Variants in ZPLD1 observed in about 807,000 individuals in gnomAD.
ZPLD1 encodes zona pellucida like domain containing 1, also known as zona pellucida-like domain-containing protein 1.
ZPLD1 carries 34 observed loss-of-function variants against 47.2 expected under a neutral mutation model. The ratio of observed to expected loss-of-function variants is 0.72; its 90% CI spans 0.55 to 0.96. The LOEUF (loss-of-function observed/expected upper bound fraction) is 0.96, where lower values mean the gene tolerates loss of function less well. Among genes scored for constraint, ZPLD1 ranks in the 40% least tolerant of loss-of-function variants. The probability of loss-of-function intolerance (pLI) is 0.00; values close to 1 mark genes in which losing one functional copy is unlikely to be tolerated. For missense variants in ZPLD1, 512 were observed against 505.8 expected (o/e 1.01, Z -0.12); for synonymous variants, 176 against 186.2 (o/e 0.95, Z 0.45).
intron 3 of ZPLD1, among the ~76,000 whole-genome samples, chr3:102,443,875 T>A (rs1467378768): frequency 6.6e-6 from 1 of 152,216 alleles, no homozygotes; most frequent in Non-Finnish European, 1.5e-5. Flanking sequence ...TCTCCTTTAT[T>A]CCTACTTTTT....
At chr3:102,399,474 G>A (rs1706594913) in intron 7 of ZPLD1, among the ~76,000 whole-genome samples, 4 of 151,938 alleles carry the variant, frequency 2.6e-5, no homozygotes, top group Admixed American at 2.6e-4. Context: ...TCTAATCCAA[G>A]ATCATCGTAT....
intron 7 of ZPLD1, among the ~76,000 whole-genome samples, chr3:102,397,911 G>A (rs1274657011): frequency 6.6e-6 from 1 of 152,086 alleles, no homozygotes; most frequent in African/African-American, 2.4e-5. Flanking sequence ...TGAGGTATTT[G>A]CAAAACCTTT....
At position 102,477,839 on chromosome 3, in the gene ZPLD1, A is replaced by C. The variant is rs921039206; in HGVS notation, c.*221A>C. ...AGCCGTATTTTTATGCCACCAGTGA[A>C]TATATTGACAATAAGTGAAAAATAT... On this transcript the variant is annotated 3_prime_UTR_variant, in exon 12 of 12. Coordinates refer to ENST00000466937, the MANE Select transcript of ZPLD1 (RefSeq NM_001329788.2). 11 of 374,344 alleles carry C rather than the reference A, an allele frequency of 2.9e-5. No homozygotes were observed. The highest frequency in any genetic ancestry group is 4.2e-5 in the Non-Finnish European group (9 of 212,328). The allele number at this position is 374,344 out of a possible 1,614,324, so 23.2% of individuals were successfully genotyped here.
At chr3:102,456,056 G>T in intron 4 of ZPLD1, 137 bp from the exon 5 acceptor site, 2 of 592,220 alleles carry the variant, frequency 3.4e-6, no homozygotes, top group Non-Finnish European at 5.3e-6. Flanking sequence ...TTATAAACTT[G>T]ATATTTCAAA....
chr3:102,431,135 T>C (rs1707011199), upstream of ZPLD1, among the ~76,000 whole-genome samples: 4 of 152,220 alleles, frequency 2.6e-5, no homozygotes, highest in Admixed American at 2.6e-4. Flanking sequence ...ATTTAAATGC[T>C]GTAGATTACT....
At chr3:102,429,882 A>G (rs972054472) in intron 8 of ZPLD1, among the ~76,000 whole-genome samples, 2 of 152,226 alleles carry the variant, frequency 1.3e-5, no homozygotes, top group Non-Finnish European at 2.9e-5. Flanking sequence ...AGACTCTGTT[A>G]TAGTCCTAGT....
chr3:102,440,031 T>C (rs1227122027), intron 3 of ZPLD1, among the ~76,000 whole-genome samples: 1 of 152,234 alleles, frequency 6.6e-6, no homozygotes, highest in Non-Finnish European at 1.5e-5. Flanking sequence ...GAGGTGTCAT[T>C]GAACAGGCTC....
intron 1 of ZPLD1, among the ~76,000 whole-genome samples, chr3:102,435,888 C>T (rs150381233): frequency 1.5e-4 from 23 of 152,192 alleles, no homozygotes; most frequent in African/African-American, 4.8e-4. Flanking sequence ...ATGATCCACC[C>T]GCCTCGGCCT....
At chr3:102,472,283 G>T (rs576106229) in intron 10 of ZPLD1, among the ~76,000 whole-genome samples, 55 of 152,284 alleles carry the variant, frequency 3.6e-4, no homozygotes, top group African/African-American at 1.2e-3. Context: ...TGTAATCCCA[G>T]CACTTTGGGA....
At chr3:102,475,180 AT>A (rs1707739880) in intron 10 of ZPLD1, among the ~76,000 whole-genome samples, 1 of 152,040 alleles carries the variant, frequency 6.6e-6, no homozygotes, top group Non-Finnish European at 1.5e-5. Flanking sequence ...TGGAACCTGG[AT>A]TTTGTCGTTC....
intron 10 of ZPLD1, among the ~76,000 whole-genome samples, chr3:102,476,739 T>G (rs1056301406): frequency 7.9e-5 from 12 of 152,074 alleles, no homozygotes; most frequent in African/African-American, 2.7e-4. Flanking sequence ...ACTGTATATT[T>G]TTTTCTATTA....
intron 8 of ZPLD1, among the ~76,000 whole-genome samples, chr3:102,421,216 T>A (rs1166231193): frequency 6.6e-6 from 1 of 151,912 alleles, no homozygotes; most frequent in Admixed American, 6.6e-5. Flanking sequence ...ACAACTACAC[T>A]ATCTCTCAGT....
intron 6 of ZPLD1, 124 bp from the exon 7 acceptor site, chr3:102,462,157 G>C: frequency 1.8e-6 from 1 of 561,022 alleles, no homozygotes; most frequent in South Asian, 3.0e-5. Flanking sequence ...AATCCTTTTT[G>C]GATTGATTCT....
chr3:102,458,822 G>C (rs1339339768), intron 6 of ZPLD1, among the ~76,000 whole-genome samples: 1 of 152,146 alleles, frequency 6.6e-6, no homozygotes, highest in Non-Finnish European at 1.5e-5. Flanking sequence ...GGGTGCTGTG[G>C]CTCACGCCTG....
At chr3:102,387,595 T>C (rs1239855205) in intron 6 of ZPLD1, among the ~76,000 whole-genome samples, 1 of 152,184 alleles carries the variant, frequency 6.6e-6, no homozygotes, top group Non-Finnish European at 1.5e-5. Flanking sequence ...AGGTTAAGAA[T>C]CATTTTCTCT....
intron 6 of ZPLD1, among the ~76,000 whole-genome samples, chr3:102,385,937 G>A (rs1266982689): frequency 6.6e-6 from 1 of 152,150 alleles, no homozygotes. Context: ...CCTCTTGTCT[G>A]GTTCCCAGAA....
intron 7 of ZPLD1, among the ~76,000 whole-genome samples, chr3:102,392,478 A>G (rs1272328354): frequency 1.3e-5 from 2 of 151,802 alleles, no homozygotes; most frequent in East Asian, 3.9e-4. Context: ...ATGTGCTAAT[A>G]TGTTACCTCA....
chr3:102,402,699 C>G (rs749647924), intron 7 of ZPLD1, among the ~76,000 whole-genome samples: 35 of 151,892 alleles, frequency 2.3e-4, no homozygotes, highest in Non-Finnish European at 4.3e-4. Flanking sequence ...AATGAGAATG[C>G]TTTTTAAATG....
intron 6 of ZPLD1, among the ~76,000 whole-genome samples, chr3:102,387,850 CTTTTTTTT>C (rs1023132648): frequency 1.7e-4 from 14 of 80,634 alleles, no homozygotes; most frequent in Admixed American, 1.7e-3. Context: ...CTGAGAAATT[CTTTTTTTT>C]TTTTTTTTTT....
Sources: allele counts gnomAD v4.1 joint callset (sites outside exome capture counted in the v4.1 genomes callset), GRCh38; gene constraint gnomAD v4.1.1; transcripts MANE v1.5; gene names NCBI Gene and HGNC (gene_info 2026-07-23, HGNC 2026-07-21).